Variants in SH3RF3 observed in about 807,000 individuals in gnomAD.
SH3RF3 encodes E3 ubiquitin-protein ligase SH3RF3.
Under a neutral mutation model 66.3 loss-of-function variants are expected in SH3RF3, and 29 were observed. The ratio of observed to expected loss-of-function variants is 0.44; its 90% CI spans 0.33 to 0.60. The LOEUF (loss-of-function observed/expected upper bound fraction) is 0.60. Among genes scored for constraint, SH3RF3 ranks in the 20% least tolerant of loss-of-function variants. SH3RF3 has a pLI of 0.04. For synonymous variants in SH3RF3, 583 were observed against 532.0 expected, an observed-to-expected ratio of 1.10 and a Z score of -1.32; for missense variants, 1,194 against 1,190.9, an observed-to-expected ratio of 1.00 and a Z score of -0.04.
At chr2:109,428,388 A>G in intron 5 of SH3RF3, among the ~76,000 whole-genome samples, 1 of 152,232 alleles carries the variant, frequency 6.6e-6, no homozygotes, top group Non-Finnish European at 1.5e-5. Flanking sequence ...GGGTAAGCGA[A>G]GGCTGTGCTG....
intron 1 of SH3RF3, among the ~76,000 whole-genome samples, chr2:109,267,532 C>G (rs755756239): frequency 6.6e-5 from 10 of 152,134 alleles, no homozygotes; most frequent in Non-Finnish European, 1.0e-4. Context: ...TTGATCAGCC[C>G]CACTCCCTTC....
chr2:109,392,401 T>C (rs996826810), intron 3 of SH3RF3, among the ~76,000 whole-genome samples: 23 of 152,148 alleles, frequency 1.5e-4, no homozygotes, highest in African/African-American at 5.3e-4. Context: ...TCCTTATCTG[T>C]AAAATGGCCA....
In SH3RF3 at chr2:109,342,039, C is replaced by T. The variant is rs962948873; in HGVS notation, c.574-5635C>T. Among the ~76,000 whole-genome samples, 7 of 152,202 alleles carry T rather than the reference C, an allele frequency of 4.6e-5. No individual in the cohort carries two copies. The East Asian group carries it at 1.2e-3, about 25-fold the overall frequency. ...GGTCTCACCCGCCGGGGCCTATGGA[C>T]GAATGTGTTCATCTTCCTGACACTT... On this transcript the variant is annotated intron_variant, in intron 1 of 9. Transcript: ENST00000309415.
chr2:109,329,617 C>T (rs890084671), intron 1 of SH3RF3, among the ~76,000 whole-genome samples: 10 of 152,196 alleles, frequency 6.6e-5, no homozygotes, highest in Non-Finnish European at 1.2e-4. Flanking sequence ...GACAGGCCTC[C>T]CTCAAGGGAG....
chr2:109,355,950 G>A (rs1423850748), intron 2 of SH3RF3, among the ~76,000 whole-genome samples: 1 of 152,282 alleles, frequency 6.6e-6, no homozygotes, highest in African/African-American at 2.4e-5. Flanking sequence ...ATGAAAAGTT[G>A]CCATTGTTTC....
chr2:109,440,578 C>G (rs960599229), intron 7 of SH3RF3, among the ~76,000 whole-genome samples: 1 of 152,166 alleles, frequency 6.6e-6, no homozygotes, highest in African/African-American at 2.4e-5. Context: ...CCACATGAAA[C>G]AAATTTAAAA....
chr2:109,377,652 A>G (rs1255366248), intron 3 of SH3RF3, among the ~76,000 whole-genome samples: 1 of 152,164 alleles, frequency 6.6e-6, no homozygotes, highest in African/African-American at 2.4e-5. Flanking sequence ...ATAATATAAT[A>G]CCCAGAAAAA....
chr2:109,452,319 A>T lies in SH3RF3; in HGVS notation c.2148+2830A>T, dbSNP rs151134460. On this transcript the variant is annotated intron_variant, in intron 8 of 9. Transcript: ENST00000309415. ...CATGACTACACTAAACAGGCTTCCT[A>T]ACTTTGGGCAACTTGATCATAGATG... is the stretch of plus-strand genomic sequence containing the variant. Among the ~76,000 whole-genome samples the T allele has an allele frequency of 7.9e-5, 12 of 152,258 alleles. No homozygotes were observed. In the East Asian group the frequency reaches 2.3e-3, roughly 29 times the overall value.
intron 1 of SH3RF3, among the ~76,000 whole-genome samples, chr2:109,185,916 C>G (rs939201035): frequency 2.8e-4 from 43 of 152,256 alleles, no homozygotes; most frequent in Admixed American, 2.8e-3. Context: ...TCCCCCAGCT[C>G]CTGGGACGGC....
At chr2:109,259,529 T>G (rs1680301684) in intron 1 of SH3RF3, among the ~76,000 whole-genome samples, 1 of 152,218 alleles carries the variant, frequency 6.6e-6, no homozygotes, top group South Asian at 2.1e-4. Context: ...TCCGGGGCCC[T>G]TCATGCCTTA....
At chr2:109,340,746 C>T (rs894024364) in intron 1 of SH3RF3, among the ~76,000 whole-genome samples, 1 of 152,142 alleles carries the variant, frequency 6.6e-6, no homozygotes, top group Non-Finnish European at 1.5e-5. Flanking sequence ...TACTAAGAAG[C>T]ACGGAAGGGC....
At chr2:109,500,109 G>A (rs1053230733) in intron 9 of SH3RF3, among the ~76,000 whole-genome samples, 5 of 152,166 alleles carry the variant, frequency 3.3e-5, no homozygotes, top group African/African-American at 1.2e-4. Context: ...ACCCACAGTC[G>A]ATTCTTTTGG....
At position 109,190,576 on chromosome 2, in the gene SH3RF3, A is replaced by C. The variant is rs535230892; in HGVS notation, c.573+60463A>C. Among the ~76,000 whole-genome samples, 5 of 152,352 alleles carry C rather than the reference A, an allele frequency of 3.3e-5. No individual in the cohort carries two copies. In the East Asian group the frequency reaches 9.6e-4, roughly 29 times the overall value. The stretch of plus-strand genomic sequence containing the variant: ...TAACACCTGAGTGAACAGATTGTTA[A>C]TGAAGATGGGTAAATTACCACACTC... On this transcript the variant is annotated intron_variant, in intron 1 of 9. Coordinates refer to ENST00000309415, the MANE Select transcript of SH3RF3 (RefSeq NM_001099289.3).
chr2:109,216,515 C>T (rs916831709), intron 1 of SH3RF3, among the ~76,000 whole-genome samples: 1 of 152,200 alleles, frequency 6.6e-6, no homozygotes, highest in Admixed American at 6.5e-5. Context: ...GGCCGCAAAG[C>T]TTAAGTGCCT....
chr2:109,383,818 T>A (rs533690826), intron 3 of SH3RF3, among the ~76,000 whole-genome samples: 60 of 152,330 alleles, frequency 3.9e-4, no homozygotes, highest in African/African-American at 1.3e-3. Context: ...AGCCGCATTT[T>A]CCAGACGTCC....
intron 1 of SH3RF3, among the ~76,000 whole-genome samples, chr2:109,236,882 C>G (rs187493330): frequency 2.6e-5 from 4 of 152,304 alleles, no homozygotes; most frequent in African/African-American, 9.6e-5. Flanking sequence ...GTGACCTGTA[C>G]TTACAGCTCA....
chr2:109,208,968 G>A (rs577489709), intron 1 of SH3RF3, among the ~76,000 whole-genome samples: 12 of 152,352 alleles, frequency 7.9e-5, no homozygotes, highest in African/African-American at 2.9e-4. Context: ...GCCATGGGCA[G>A]GTGGGGTTCA....
chr2:109,347,581 G>GC (rs1443914934), intron 1 of SH3RF3, 93 bp from the exon 2 acceptor site: 2 of 1,492,738 alleles, frequency 1.3e-6, no homozygotes, highest in Non-Finnish European at 1.8e-6. Flanking sequence ...GACACAGAAA[G>GC]CCCCTGAGAA....
intron 1 of SH3RF3, among the ~76,000 whole-genome samples, chr2:109,271,694 C>T (rs1574542563): frequency 1.3e-5 from 2 of 152,194 alleles, no homozygotes; most frequent in African/African-American, 2.4e-5. Flanking sequence ...TCATTTAGGA[C>T]GAAGGGCCCC....
Sources: gnomAD v4.1 joint callset for allele counts (sites outside exome capture counted in the v4.1 genomes callset) on GRCh38, gnomAD v4.1.1 for gene constraint, MANE v1.5 for transcripts, NCBI Gene and HGNC (gene_info 2026-07-23, HGNC 2026-07-21) for gene names.